Variants in RHBDD1 observed in about 807,000 individuals in gnomAD.
RHBDD1 encodes the protein rhomboid-related protein 4.
A neutral mutation model predicts 36.3 loss-of-function variants in RHBDD1; 38 were observed. The observed-to-expected ratio is 1.05, with a 90% CI of 0.81 to 1.37. The LOEUF (loss-of-function observed/expected upper bound fraction) is 1.37, where lower values mean the gene tolerates loss of function less well. Among genes scored for constraint, RHBDD1 ranks in the 40% most tolerant of loss-of-function variants. The probability of loss-of-function intolerance (pLI) is 0.00; values close to 1 mark genes in which losing one functional copy is unlikely to be tolerated. For missense variants in RHBDD1, 393 were observed against 377.6 expected (o/e 1.04, Z -0.34); for synonymous variants, 151 against 136.5 (o/e 1.11, Z -0.74).
chr2:226,916,377 G>A (rs747333305), intron 8 of RHBDD1, among the ~76,000 whole-genome samples: 2 of 152,162 alleles, frequency 1.3e-5, no homozygotes, highest in African/African-American at 4.8e-5. Context: ...GAAATCTGGG[G>A]AAAGGGCCCC....
intron 8 of RHBDD1, among the ~76,000 whole-genome samples, chr2:226,971,546 A>G (rs7423610): frequency 0.43 from 65,679 of 152,126 alleles, 14,276 homozygotes; most frequent in South Asian, 0.52. Flanking sequence ...TGATAAGTTC[A>G]TGAAGCAGCA....
chr2:226,948,174 C>CG (rs1429637941), intron 8 of RHBDD1, among the ~76,000 whole-genome samples: 1 of 146,442 alleles, frequency 6.8e-6, no homozygotes, highest in Non-Finnish European at 1.5e-5. Flanking sequence ...GCGCAAATGT[C>CG]CAACAATGAT....
chr2:226,806,574 A>G, the RHBDD1 span, among the ~76,000 whole-genome samples: 2 of 152,240 alleles, frequency 1.3e-5, no homozygotes, highest in Non-Finnish European at 2.9e-5. Context: ...AGTGACTTTA[A>G]AACTTTTGAC....
chr2:226,942,532 C>T, intron 8 of RHBDD1: 1 of 372,256 alleles, frequency 2.7e-6, no homozygotes, highest in Non-Finnish European at 5.3e-6. Flanking sequence ...AGCCACCGTG[C>T]CCAGCCGTTG....
At chr2:226,948,338 A>T (rs1388737112) in intron 8 of RHBDD1, among the ~76,000 whole-genome samples, 2 of 145,764 alleles carry the variant, frequency 1.4e-5, no homozygotes, top group Non-Finnish European at 3.0e-5. Flanking sequence ...AACACCGCAT[A>T]TTCTCACTCA....
intron 8 of RHBDD1, among the ~76,000 whole-genome samples, chr2:226,926,865 C>T (rs1949702829): frequency 6.6e-6 from 1 of 152,074 alleles, no homozygotes; most frequent in Admixed American, 6.5e-5. Flanking sequence ...TCTTTTTTTA[C>T]AAGGCTAAAT....
intron 8 of RHBDD1, among the ~76,000 whole-genome samples, chr2:226,990,037 C>T (rs1361094645): frequency 6.6e-6 from 1 of 152,208 alleles, no homozygotes; most frequent in East Asian, 1.9e-4. Context: ...TAAACCAAAA[C>T]TGAAATTTCC....
chr2:226,982,907 AC>A (rs1429465848), intron 8 of RHBDD1, among the ~76,000 whole-genome samples: 2 of 152,160 alleles, frequency 1.3e-5, no homozygotes, highest in Non-Finnish European at 2.9e-5. Flanking sequence ...ATTTTAACTA[AC>A]GATTGTATTT....
intron 8 of RHBDD1, among the ~76,000 whole-genome samples, chr2:226,929,869 A>G (rs2149094158): frequency 6.6e-6 from 1 of 152,182 alleles, no homozygotes; most frequent in East Asian, 1.9e-4. Context: ...CTGAGAATCA[A>G]ATCCAAAACT....
intron 5 of RHBDD1, among the ~76,000 whole-genome samples, chr2:226,897,815 A>C (rs908946848): frequency 6.6e-6 from 1 of 152,104 alleles, no homozygotes; most frequent in Non-Finnish European, 1.5e-5. Flanking sequence ...TACTAAAAAA[A>C]CAAACAAACA....
chr2:226,817,904 T>C, the RHBDD1 span, among the ~76,000 whole-genome samples: 1 of 152,248 alleles, frequency 6.6e-6, no homozygotes, highest in Non-Finnish European at 1.5e-5. Context: ...AGTTCACATG[T>C]TGACAGATAC....
chr2:226,818,708 G>A, the RHBDD1 span, among the ~76,000 whole-genome samples: 94 of 151,606 alleles, frequency 6.2e-4, no homozygotes, highest in African/African-American at 1.9e-3. Context: ...GCGTGGTGGC[G>A]GGCACCTGTA....
At chr2:226,963,153 G>A (rs561563916) in intron 8 of RHBDD1, among the ~76,000 whole-genome samples, 1 of 147,788 alleles carries the variant, frequency 6.8e-6, no homozygotes, top group Admixed American at 6.9e-5. Flanking sequence ...ACCCCTGGTT[G>A]AGAACCGCTA....
the RHBDD1 span, among the ~76,000 whole-genome samples, chr2:226,816,007 G>C: frequency 6.6e-6 from 1 of 152,290 alleles, no homozygotes; most frequent in East Asian, 1.9e-4. Context: ...GTGACATGAT[G>C]CTGATAGCAT....
intron 6 of RHBDD1, among the ~76,000 whole-genome samples, chr2:226,907,730 C>T (rs887420266): frequency 6.6e-6 from 1 of 152,148 alleles, no homozygotes; most frequent in African/African-American, 2.4e-5. Flanking sequence ...AGGTCGTGTT[C>T]ACTTTTGGTT....
intron 8 of RHBDD1, among the ~76,000 whole-genome samples, chr2:226,942,150 TTGTAAGTCTGTAGCC>T (rs990708968): frequency 2.1e-4 from 32 of 152,300 alleles, no homozygotes; most frequent in Middle Eastern, 3.4e-3. Flanking sequence ...CATGGTTTTC[TTGTAAGTCTGTAGCC>T]TGTCATATAA....
At chr2:226,977,569 G>A (rs575017174) in intron 8 of RHBDD1, among the ~76,000 whole-genome samples, 11 of 152,266 alleles carry the variant, frequency 7.2e-5, no homozygotes, top group African/African-American at 2.6e-4. Context: ...GGTGAACCGT[G>A]AAACACCATC....
At chr2:226,980,020 T>G (rs1472895034) in intron 8 of RHBDD1, among the ~76,000 whole-genome samples, 1 of 152,024 alleles carries the variant, frequency 6.6e-6, no homozygotes, top group Non-Finnish European at 1.5e-5. Flanking sequence ...GACTCTAGGG[T>G]CTGGGCTTGT....
In RHBDD1 at chr2:226,839,411, A is replaced by C. The variant is rs1310210106; in HGVS notation, c.-307A>C. ...GACCTCATATTTTTTTTCAACAGGG[A>C]GCCTCTTAAACAGAATCTTACCTGT... On this transcript the variant is annotated splice_region_variant and 5_prime_UTR_variant, in exon 3 of 9. Transcript: ENST00000392062. 1 of 152,076 alleles carries C rather than the reference A, an allele frequency of 6.6e-6. No individual in the cohort carries two copies. Among genetic ancestry groups the C allele is most frequent in the African/African-American group, 2.4e-5 (1 of 41,416 alleles). The allele number at this position is 152,076 out of a possible 1,614,324, so 9.4% of individuals were successfully genotyped here.
Sources: gnomAD v4.1 joint callset for allele counts (sites outside exome capture counted in the v4.1 genomes callset) on GRCh38, gnomAD v4.1.1 for gene constraint, MANE v1.5 for transcripts, NCBI Gene and HGNC (gene_info 2026-07-23, HGNC 2026-07-21) for gene names.